Variants in MAD1L1 observed in about 807,000 individuals in gnomAD.
MAD1L1 encodes the protein mitotic arrest deficient 1 like 1, also known as mitotic spindle assembly checkpoint protein MAD1.
Under a neutral mutation model 96.9 loss-of-function variants are expected in MAD1L1, and 95 were observed. The observed-to-expected ratio is 0.98, with a 90% CI of 0.83 to 1.16. The LOEUF is 1.16. Ranked by LOEUF, MAD1L1 falls within the 50% of genes most tolerant of loss-of-function variation. The pLI is 0.00. For missense variants in MAD1L1, 1,007 were observed against 954.4 expected (o/e 1.06, Z -0.73); for synonymous variants, 473 against 396.6 (o/e 1.19, Z -2.29).
chr7:1,952,779 G>A (rs1028241706), intron 16 of MAD1L1, among the ~76,000 whole-genome samples: 7 of 152,180 alleles, frequency 4.6e-5, no homozygotes, highest in East Asian at 1.9e-4. Context: ...CCATCGTCCC[G>A]GTCCAGAGGC....
chr7:2,124,046 C>T (rs986442369), intron 11 of MAD1L1, among the ~76,000 whole-genome samples: 10 of 152,316 alleles, frequency 6.6e-5, no homozygotes, highest in South Asian at 4.1e-4. Flanking sequence ...CTCCTCTAGA[C>T]GGGGAAGCCG....
chr7:2,191,906 C>T (rs1791739270), intron 10 of MAD1L1, among the ~76,000 whole-genome samples: 1 of 151,904 alleles, frequency 6.6e-6, no homozygotes, highest in Admixed American at 6.6e-5. Flanking sequence ...TGGCAGGCAC[C>T]TGTAATCTCA....
chr7:2,011,138 C>G (rs1233430865), intron 13 of MAD1L1, among the ~76,000 whole-genome samples: 1 of 152,046 alleles, frequency 6.6e-6, no homozygotes, highest in African/African-American at 2.4e-5. Flanking sequence ...GGCCCCCCAC[C>G]CCCCGACCGT....
At chr7:2,071,558 G>T (rs886312952) in intron 11 of MAD1L1, among the ~76,000 whole-genome samples, 5 of 152,228 alleles carry the variant, frequency 3.3e-5, no homozygotes, top group African/African-American at 1.2e-4. Flanking sequence ...CTGGGCAGCT[G>T]CAGGATGGGG....
chr7:1,993,075 T>C (rs1042958247), intron 14 of MAD1L1, among the ~76,000 whole-genome samples: 4 of 152,246 alleles, frequency 2.6e-5, no homozygotes, highest in Admixed American at 6.5e-5. Flanking sequence ...GTGGTTATTA[T>C]AGACTCGATC....
intron 17 of MAD1L1, among the ~76,000 whole-genome samples, chr7:1,933,955 C>T (rs1016656234): frequency 1.3e-5 from 2 of 152,200 alleles, no homozygotes; most frequent in Non-Finnish European, 2.9e-5. Context: ...GCTTAGATTC[C>T]GGTTTCCCAA....
intron 3 of MAD1L1, among the ~76,000 whole-genome samples, chr7:2,227,062 G>A (rs868642584): frequency 6.6e-6 from 1 of 151,810 alleles, no homozygotes. Flanking sequence ...GGGGGGCCAA[G>A]GTGGGTACAT....
At chr7:2,106,513 C>T (rs1425454346) in intron 11 of MAD1L1, among the ~76,000 whole-genome samples, 3 of 152,136 alleles carry the variant, frequency 2.0e-5, no homozygotes, top group Non-Finnish European at 4.4e-5. Context: ...TCCAACCCTG[C>T]CTAACACCAA....
At chr7:1,867,900 G>A (rs1266722325) in intron 18 of MAD1L1, among the ~76,000 whole-genome samples, 1 of 152,228 alleles carries the variant, frequency 6.6e-6, no homozygotes, top group African/African-American at 2.4e-5. Flanking sequence ...CCAGATGAGA[G>A]CCACATAATT....
chr7:1,978,387 A>G (rs555285752), intron 15 of MAD1L1, among the ~76,000 whole-genome samples: 1 of 152,334 alleles, frequency 6.6e-6, no homozygotes, highest in East Asian at 1.9e-4. Flanking sequence ...ATCTCTGCAA[A>G]GGAAAAGCCA....
chr7:2,128,197 T>C (rs1788330200), intron 11 of MAD1L1, among the ~76,000 whole-genome samples: 1 of 152,114 alleles, frequency 6.6e-6, no homozygotes, highest in Non-Finnish European at 1.5e-5. Flanking sequence ...TTTGCATACA[T>C]TCTTTAGAGT....
intron 12 of MAD1L1, among the ~76,000 whole-genome samples, chr7:2,029,674 T>C (rs1783133381): frequency 6.6e-6 from 1 of 152,126 alleles, no homozygotes; most frequent in Admixed American, 6.5e-5. Flanking sequence ...GATGGAACCG[T>C]GAGCCCAACT....
chr7:1,933,868 C>T (rs1025994133), intron 17 of MAD1L1, among the ~76,000 whole-genome samples: 18 of 152,166 alleles, frequency 1.2e-4, no homozygotes, highest in African/African-American at 4.3e-4. Flanking sequence ...CCCCTAACGC[C>T]ACTTGCAGCC....
intron 17 of MAD1L1, among the ~76,000 whole-genome samples, chr7:1,935,156 T>G (rs1274435803): frequency 6.6e-6 from 1 of 152,186 alleles, no homozygotes; most frequent in Non-Finnish European, 1.5e-5. Flanking sequence ...TCTCCCAGGG[T>G]GCAGAGCCAC....
At chr7:1,950,465 C>T (rs545228810) in intron 16 of MAD1L1, among the ~76,000 whole-genome samples, 228 of 152,256 alleles carry the variant, frequency 1.5e-3, no homozygotes, top group Non-Finnish European at 2.4e-3. Context: ...GGTAATCACC[C>T]GCTGACTTCC....
intron 12 of MAD1L1, among the ~76,000 whole-genome samples, chr7:2,017,604 C>A (rs1049971590): frequency 1.3e-5 from 2 of 152,196 alleles, no homozygotes; most frequent in African/African-American, 4.8e-5. Context: ...CCCTGGGAGG[C>A]AGCGGTGGGG....
chr7:2,221,194 G>A (rs1305342125), intron 5 of MAD1L1, among the ~76,000 whole-genome samples: 1 of 151,940 alleles, frequency 6.6e-6, no homozygotes, highest in Non-Finnish European at 1.5e-5. Flanking sequence ...GCAGTCTCCT[G>A]CTCCTCTGCC....
intron 18 of MAD1L1, among the ~76,000 whole-genome samples, chr7:1,857,385 G>A (rs968313188): frequency 2.6e-5 from 4 of 152,170 alleles, no homozygotes; most frequent in African/African-American, 7.2e-5. Context: ...GTCATGCCCC[G>A]GGAGGCAGCC....
chr7:2,187,211 T>A (rs181505249), intron 10 of MAD1L1, among the ~76,000 whole-genome samples: 102 of 152,076 alleles, frequency 6.7e-4, no homozygotes, highest in South Asian at 1.2e-3. Flanking sequence ...TAGCCAGGCA[T>A]GGTGGCGTAC....
Sources: gnomAD v4.1 joint callset for allele counts (sites outside exome capture counted in the v4.1 genomes callset) on GRCh38, gnomAD v4.1.1 for gene constraint, MANE v1.5 for transcripts, NCBI Gene and HGNC (gene_info 2026-07-23, HGNC 2026-07-21) for gene names.